CBLC: variants seen among roughly 807,000 people sequenced by gnomAD.
The protein encoded by CBLC is E3 ubiquitin-protein ligase CBL-C.
Under a neutral mutation model 58.6 loss-of-function variants are expected in CBLC, and 46 were observed. That is an observed-to-expected ratio of 0.79 (90% CI 0.62 to 1.00). CBLC has a LOEUF of 1.00. Ranked by LOEUF, CBLC falls within the 50% of genes least tolerant of loss-of-function variation. The pLI is 0.00. For synonymous variants in CBLC, 271 were observed against 264.2 expected (o/e 1.03, Z -0.25); for missense variants, 655 against 625.8 (o/e 1.05, Z -0.50).
intron 1 of CBLC, among the ~76,000 whole-genome samples, chr19:44,779,735 TAG>T (rs1478354387): frequency 6.6e-6 from 1 of 151,740 alleles, no homozygotes; most frequent in Non-Finnish European, 1.5e-5. Flanking sequence ...TATTTTTTGG[TAG>T]AGAGGAGGTC....
In CBLC at chr19:44,778,142, G is replaced by C. The variant is rs757201148; in HGVS notation, c.211G>C (p.Gly71Arg). Residue 71 changes from glycine (G) to arginine (R), a missense_variant, in exon 1 of 11, where the codon GGG (glycine) becomes CGG (arginine). By Grantham distance (125) the Gly-to-Arg change is moderately radical (BLOSUM62 -2). Around this residue, in one of 3 missense-constraint regions of CBLC, gnomAD observed 280 missense variants for 237.2 expected, o/e 1.18. Transcript: ENST00000647358. ...SRRAAGGGGPGGPGGSGDFLL... is the reference protein window; with the variant it reads ...SRRAAGGGGPRGPGGSGDFLL... Reference sequence around the variant, plus strand: ...GCGGGCGGCCGGCGGAGGCGGCCCCGGGGGTCCCGGCGGCTCTGGGGACTT... The same window carrying C: ...GCGGGCGGCCGGCGGAGGCGGCCCCCGGGGTCCCGGCGGCTCTGGGGACTT... 6 of 1,588,838 alleles carry C rather than the reference G, an allele frequency of 3.8e-6. No individual in the cohort carries two copies. Among genetic ancestry groups the C allele is most frequent in the Non-Finnish European group, 4.3e-6 (5 of 1,171,406 alleles).
chr19:44,781,565 G>A (rs1397085560), intron 3 of CBLC, among the ~76,000 whole-genome samples: 1 of 136,302 alleles, frequency 7.3e-6, no homozygotes, highest in Non-Finnish European at 1.6e-5. Context: ...AGGAGGGGCT[G>A]GGGGCCTGGA....
In CBLC at chr19:44,780,967, TC is replaced by T. The variant is rs751836061; in HGVS notation, c.420del (p.Gly142GlufsTer137). On this transcript the variant is annotated frameshift_variant, in exon 2 of 11. Transcript: ENST00000647358. LOFTEE classifies it high-confidence loss of function. ...SHMHAELHAL[F>X]PGGKYCGHMY... Reference sequence around the variant, plus strand: ...ATGCACGCAGAGCTGCACGCACTCTTCCCCGGGGGAAAGTACTGTGGACACA... The same window carrying T: ...ATGCACGCAGAGCTGCACGCACTCTTCCCGGGGGAAAGTACTGTGGACACA... The T allele has an allele frequency of 2.5e-6, 4 of 1,613,338 alleles. No homozygotes were observed. In the Admixed American group the frequency reaches 6.7e-5, roughly 27 times the overall value.
chr19:44,793,896 A>AGGTGGG (rs1968120804), intron 8 of CBLC, among the ~76,000 whole-genome samples: 2 of 133,102 alleles, frequency 1.5e-5, no homozygotes, highest in African/African-American at 6.2e-5. Flanking sequence ...AGGGAGGAGA[A>AGGTGGG]TATGGGGGCC....
At chr19:44,796,266 A>G (rs1968175837) in intron 9 of CBLC, among the ~76,000 whole-genome samples, 1 of 152,174 alleles carries the variant, frequency 6.6e-6, no homozygotes, top group Non-Finnish European at 1.5e-5. Flanking sequence ...TCCAGAGGAA[A>G]AAAGTTCAGA....
In CBLC at chr19:44,789,972, C is replaced by T. The variant is rs749767964; in HGVS notation, c.918-32C>T. On this transcript the variant is annotated intron_variant, in intron 5 of 10. Transcript: ENST00000647358. ...TCTGGGGGTGGGAAATACTGGATGG[C>T]CCCCCAGTCCCCCTCTCTTCCCTTC... The T allele has an allele frequency of 1.4e-5, 20 of 1,408,558 alleles. No individual in the cohort carries two copies. The South Asian group carries it at 1.8e-4, about 13-fold the overall frequency. 87.3% of individuals were successfully genotyped at this position (1,408,558 alleles called of 1,614,324 possible).
Position 44,778,417 on chromosome 19 carries a change from A to AGACCCAGGAACTCAGGCCCCCATCC in CBLC, c.353+133_353+134insGACCCAGGAACTCAGGCCCCCATCC, listed in dbSNP as rs1967633618. 1.6e-5 allele frequency: 9 copies of AGACCCAGGAACTCAGGCCCCCATCC among 578,606 alleles called. No individual in the cohort carries two copies. The South Asian group carries it at 3.3e-4, about 21-fold the overall frequency. 35.8% of individuals were successfully genotyped at this position (578,606 alleles called of 1,614,324 possible). A position where few individuals can be genotyped will look rare whatever the true frequency, so the allele number is the denominator to read the frequency against. ...AGACCCAGGAACTCAGGCCCCCACC[A>AGACCCAGGAACTCAGGCCCCCATCC]CCTCCTCCCTCAGACTCAGGGCTCC... On this transcript the variant is annotated intron_variant, in intron 1 of 10. Transcript: ENST00000647358.
At chr19:44,780,469 A>ATTT (rs1196086433) in intron 1 of CBLC, among the ~76,000 whole-genome samples, 30 of 112,426 alleles carry the variant, frequency 2.7e-4, no homozygotes, top group African/African-American at 6.5e-4. Flanking sequence ...ATCGTTTTTA[A>ATTT]TTTTTTTTTT....
chr19:44,778,107 C>A lies in CBLC; in HGVS notation c.176C>A (p.Ala59Asp), dbSNP rs541721336. The part of the protein sequence containing the change: ...PRTAQLLREV[A>D]HSRRAAGGGG... ...ACAGCGCAGCTGCTTCGAGAGGTGG[C>A]CCATTCTCGGCGGGCGGCCGGCGGA... The change falls in exon 1 of 11, where the codon GCC becomes GAC. Residue 59 changes from alanine (A) to aspartate (D), a missense_variant. This residue lies in a region of CBLC where 280 missense variants were observed against 237.2 expected (regional missense o/e 1.18). Transcript: ENST00000647358. The A allele has an allele frequency of 1.9e-4, 303 of 1,603,988 alleles. No individual in the cohort carries two copies. The East Asian group carries it at 6.4e-3, about 34-fold the overall frequency.
At chr19:44,779,955 C>G (rs966540265) in intron 1 of CBLC, among the ~76,000 whole-genome samples, 10 of 151,960 alleles carry the variant, frequency 6.6e-5, no homozygotes, top group African/African-American at 2.2e-4. Context: ...AGAGAGTGAT[C>G]AAAGGAATTT....
intron 9 of CBLC, among the ~76,000 whole-genome samples, chr19:44,798,658 G>T (rs533861778): frequency 1.6e-4 from 25 of 152,126 alleles, no homozygotes; most frequent in African/African-American, 5.1e-4. Flanking sequence ...TATCGCTTCC[G>T]CCAGGAGGTG....
intron 1 of CBLC, among the ~76,000 whole-genome samples, chr19:44,779,423 C>T (rs1967663313): frequency 6.6e-6 from 1 of 152,192 alleles, no homozygotes; most frequent in Non-Finnish European, 1.5e-5. Context: ...GAGGCCACCC[C>T]TCTGCTGTTC....
At chr19:44,800,171 C>T (rs1211501095) in intron 9 of CBLC, among the ~76,000 whole-genome samples, 1 of 152,154 alleles carries the variant, frequency 6.6e-6, no homozygotes, top group Non-Finnish European at 1.5e-5. Context: ...TTCATCTCCT[C>T]CCCCCAGGCA....
intron 9 of CBLC, among the ~76,000 whole-genome samples, chr19:44,797,431 A>G (rs1475710397): frequency 1.3e-5 from 2 of 151,626 alleles, no homozygotes; most frequent in African/African-American, 4.8e-5. Flanking sequence ...TTGTATTTTT[A>G]GTAGAGACAG....
intron 5 of CBLC, among the ~76,000 whole-genome samples, chr19:44,785,710 C>T (rs552415583): frequency 5.3e-5 from 8 of 151,858 alleles, no homozygotes; most frequent in African/African-American, 9.7e-5. Context: ...CCAAGGCAGG[C>T]GGATCACCTG....
intron 5 of CBLC, among the ~76,000 whole-genome samples, chr19:44,785,250 G>A (rs1003371790): frequency 6.6e-5 from 10 of 151,492 alleles, no homozygotes; most frequent in African/African-American, 2.2e-4. Context: ...GCTGATTACA[G>A]GCATGAGCCA....
Position 44,780,959 on chromosome 19 carries a change from C to T in CBLC, c.408C>T (p.His136=), listed in dbSNP as rs141019786. 47 of 1,613,460 alleles carry T rather than the reference C, an allele frequency of 2.9e-5. No individual in the cohort carries two copies. Among genetic ancestry groups the T allele is most frequent in the South Asian group, 2.9e-4 (26 of 91,086 alleles). Residue 136 remains histidine, a synonymous_variant, in exon 2 of 11, where the codon CAC becomes CAT. Transcript: ENST00000647358. The stretch of plus-strand genomic sequence containing the variant: ...TCAGCCACATGCACGCAGAGCTGCA[C>T]GCACTCTTCCCCGGGGGAAAGTACT... ...IIFSHMHAEL[H]ALFPGGKYCG... is the part of the protein sequence containing the mutation.
rs1331119853 is a variant in CBLC, at chr19:44,777,978, G to T, written c.47G>T (p.Arg16Leu). The part of the protein sequence containing the change: ...APWGRQWEEA[R>L]ALGRAVRMLQ... ...TGGGGGCGACAGTGGGAAGAGGCCC[G>T]CGCCCTGGGCCGGGCAGTCAGGATG... Residue 16 changes from arginine to leucine, a missense_variant, in exon 1 of 11, where the codon CGC (arginine) becomes CTC (leucine). Coordinates refer to ENST00000647358, the MANE Select transcript of CBLC (RefSeq NM_012116.4). 4.4e-6 allele frequency: 7 copies of T among 1,606,166 alleles called. No individual in the cohort carries two copies. The highest frequency in any genetic ancestry group is 5.9e-6 in the Non-Finnish European group (7 of 1,178,756).
chr19:44,784,301 T>C lies in CBLC; in HGVS notation c.817T>C (p.Trp273Arg). 1.3e-6 allele frequency: 2 copies of C among 1,593,770 alleles called. No homozygotes were observed. Among genetic ancestry groups the C allele is most frequent in the Admixed American group, 3.3e-5 (2 of 59,744 alleles). The change falls in exon 5 of 11, where the codon TGG (tryptophan) becomes CGG (arginine). Residue 273 changes from tryptophan to arginine, a missense_variant. Around this residue, in one of 3 missense-constraint regions of CBLC, gnomAD observed 371 missense variants for 370.8 expected, o/e 1.00. Coordinates refer to ENST00000647358, the MANE Select transcript of CBLC (RefSeq NM_012116.4). ...GCCCAGCTGTACTCGCCTGGGGCAG[T>C]GGGCCATCGGCTATGTGAGCTCAGA... ...FRPSCTRLGQ[W>R]AIGYVSSDGS...
Sources: allele counts gnomAD v4.1 joint callset (sites outside exome capture counted in the v4.1 genomes callset), GRCh38; gene constraint gnomAD v4.1.1; regional missense constraint gnomAD v4.1.1; transcripts MANE v1.5; gene names NCBI Gene and HGNC (gene_info 2026-07-23, HGNC 2026-07-21).